Variants in LHFPL3 observed in about 807,000 individuals in gnomAD.
LHFPL3 encodes the protein LHFPL tetraspan subfamily member 3 protein.
In LHFPL3, 5 loss-of-function variants were observed where a neutral mutation model predicts 19.3. The observed-to-expected ratio is 0.26, with a 90% CI of 0.14 to 0.54. The LOEUF (loss-of-function observed/expected upper bound fraction) is 0.54, where lower values mean the gene tolerates loss of function less well. LHFPL3 is among the 20% of genes least tolerant of loss of function. The pLI is 0.94. For synonymous variants in LHFPL3, 133 were observed against 126.2 expected (o/e 1.05, Z -0.36); for missense variants, 249 against 307.4 (o/e 0.81, Z 1.42).
At chr7:104,569,924 G>A (rs7781577) in intron 1 of LHFPL3, among the ~76,000 whole-genome samples, 23,275 of 152,110 alleles carry the variant, frequency 0.15, 3,516 homozygotes, top group African/African-American at 0.4. Context: ...AATGACTACA[G>A]TTTCCTGATT....
chr7:104,811,030 G>A (rs1284892107), intron 2 of LHFPL3, among the ~76,000 whole-genome samples: 2 of 152,196 alleles, frequency 1.3e-5, no homozygotes, highest in African/African-American at 4.8e-5. Context: ...CTCCAGATGT[G>A]TTAGAACTGT....
At chr7:104,708,929 G>T (rs1562970210) in intron 1 of LHFPL3, among the ~76,000 whole-genome samples, 1 of 151,950 alleles carries the variant, frequency 6.6e-6, no homozygotes, top group African/African-American at 2.4e-5. Context: ...CTCTGGACCT[G>T]GGACATAAAT....
chr7:104,649,973 A>T (rs1792001120), intron 1 of LHFPL3, among the ~76,000 whole-genome samples: 1 of 152,210 alleles, frequency 6.6e-6, no homozygotes, highest in Non-Finnish European at 1.5e-5. Flanking sequence ...TAGATCCTCA[A>T]GTAGCTTCCA....
At chr7:104,501,269 A>G (rs1384504674) in intron 1 of LHFPL3, among the ~76,000 whole-genome samples, 1 of 152,198 alleles carries the variant, frequency 6.6e-6, no homozygotes, top group African/African-American at 2.4e-5. Flanking sequence ...ATCATATACC[A>G]TTTTAATGCT....
In LHFPL3 at chr7:104,864,365, CAA is replaced by C. The variant is rs34785081; in HGVS notation, c.683-41813_683-41812del. Among the ~76,000 whole-genome samples, 585 of 149,020 alleles carry C rather than the reference CAA, an allele frequency of 3.9e-3. 6 individuals are homozygous for C. Among genetic ancestry groups the C allele is most frequent in the African/African-American group, 0.014 (562 of 41,052 alleles). On this transcript the variant is annotated intron_variant, in intron 2 of 2. Transcript: ENST00000424859. ...GGGTCAGGGAATTCTCTTTCCTAGT[CAA>C]AAAAAAAAGGGGTGACAGATGGCAC...
intron 1 of LHFPL3, among the ~76,000 whole-genome samples, chr7:104,711,706 C>G (rs1159240068): frequency 6.6e-6 from 1 of 152,024 alleles, no homozygotes; most frequent in African/African-American, 2.4e-5. Flanking sequence ...AATTTTGGTC[C>G]CAACAGGAAA....
At chr7:104,716,058 C>G (rs761318290) in intron 1 of LHFPL3, among the ~76,000 whole-genome samples, 6 of 152,212 alleles carry the variant, frequency 3.9e-5, no homozygotes, top group Admixed American at 1.3e-4. Context: ...AAACAGCCAT[C>G]CAAATCAGGG....
intron 1 of LHFPL3, among the ~76,000 whole-genome samples, chr7:104,714,109 G>A (rs910927295): frequency 2.6e-5 from 4 of 152,178 alleles, no homozygotes; most frequent in African/African-American, 9.7e-5. Flanking sequence ...AGCTACTGCT[G>A]TTAGAACTTG....
intron 1 of LHFPL3, among the ~76,000 whole-genome samples, chr7:104,435,927 G>A (rs1325726970): frequency 6.6e-6 from 1 of 152,014 alleles, no homozygotes; most frequent in Admixed American, 6.6e-5. Context: ...AAATGGCAAA[G>A]GTATAAATGT....
chr7:104,458,255 C>T (rs1009190296), intron 1 of LHFPL3, among the ~76,000 whole-genome samples: 3 of 152,142 alleles, frequency 2.0e-5, no homozygotes, highest in East Asian at 3.9e-4. Flanking sequence ...TTAGGTCTAA[C>T]GTTTAAGTCT....
chr7:104,616,533 C>A (rs1039977111), intron 1 of LHFPL3, among the ~76,000 whole-genome samples: 1 of 152,110 alleles, frequency 6.6e-6, no homozygotes, highest in African/African-American at 2.4e-5. Flanking sequence ...ACCATAAAAA[C>A]CCTAGAAGAA....
intron 1 of LHFPL3, among the ~76,000 whole-genome samples, chr7:104,368,443 A>G (rs1292919461): frequency 6.6e-6 from 1 of 152,192 alleles, no homozygotes; most frequent in African/African-American, 2.4e-5. Context: ...TCAAGGCAAC[A>G]TGCTTGCAGA....
intron 1 of LHFPL3, among the ~76,000 whole-genome samples, chr7:104,568,301 C>T (rs1354140709): frequency 6.6e-6 from 1 of 152,170 alleles, no homozygotes; most frequent in Non-Finnish European, 1.5e-5. Context: ...TGGCACTTTT[C>T]ATCTTGTGCT....
chr7:104,540,081 G>T (rs1394021676), intron 1 of LHFPL3, among the ~76,000 whole-genome samples: 1 of 152,108 alleles, frequency 6.6e-6, no homozygotes, highest in African/African-American at 2.4e-5. Context: ...CTAGGAGTTT[G>T]GGCCTTAATC....
intron 1 of LHFPL3, among the ~76,000 whole-genome samples, chr7:104,342,479 A>G (rs1789975919): frequency 6.6e-6 from 1 of 152,122 alleles, no homozygotes; most frequent in African/African-American, 2.4e-5. Context: ...CTACCTACAT[A>G]TTCCAGTCTC....
At chr7:104,601,328 A>T (rs1306156863) in intron 1 of LHFPL3, among the ~76,000 whole-genome samples, 1 of 152,122 alleles carries the variant, frequency 6.6e-6, no homozygotes, top group African/African-American at 2.4e-5. Flanking sequence ...TTTTTTTAAG[A>T]TCCAAATTTA....
intron 2 of LHFPL3, among the ~76,000 whole-genome samples, chr7:104,879,993 G>A (rs1792016084): frequency 6.6e-6 from 1 of 151,904 alleles, no homozygotes; most frequent in Non-Finnish European, 1.5e-5. Context: ...GGAATTGGAG[G>A]CCAGCCTGGG....
intron 1 of LHFPL3, among the ~76,000 whole-genome samples, chr7:104,652,893 T>A (rs1046856179): frequency 6.6e-6 from 1 of 151,696 alleles, no homozygotes; most frequent in East Asian, 1.9e-4. Context: ...TCCAGCAGAG[T>A]CAGGGAAGTG....
At chr7:104,641,172 A>G (rs1361165074) in intron 1 of LHFPL3, among the ~76,000 whole-genome samples, 1 of 152,200 alleles carries the variant, frequency 6.6e-6, no homozygotes, top group Non-Finnish European at 1.5e-5. Context: ...GTGGGATGCC[A>G]TGTAACTTGA....
Sources: allele counts gnomAD v4.1 joint callset (sites outside exome capture counted in the v4.1 genomes callset), GRCh38; gene constraint gnomAD v4.1.1; transcripts MANE v1.5; gene names NCBI Gene and HGNC (gene_info 2026-07-23, HGNC 2026-07-21).